Variants in KIF13B observed in about 807,000 individuals in gnomAD.
KIF13B encodes kinesin-like protein KIF13B.
KIF13B carries 127 observed loss-of-function variants against 222.0 expected under a neutral mutation model. That is an observed-to-expected ratio of 0.57 (90% CI 0.50 to 0.66). KIF13B has a LOEUF of 0.66. KIF13B is among the 30% of genes least tolerant of loss of function. KIF13B has a pLI of 0.00. For missense variants in KIF13B, 2,173 were observed against 2,379.0 expected, an observed-to-expected ratio of 0.91 and a Z score of 1.80; for synonymous variants, 976 against 919.0, an observed-to-expected ratio of 1.06 and a Z score of -1.12.
rs1448083758 is a variant in KIF13B at position 29,245,399 on chromosome 8, T to G, written c.96A>C (p.Ala32=). 7 of 1,603,484 alleles carry G rather than the reference T, an allele frequency of 4.4e-6. No individual in the cohort carries two copies. In the South Asian group the frequency reaches 7.9e-5, roughly 18 times the overall value. ...LHTKCVVDVD[A]NKVILNPVNT... is the part of the protein sequence containing the mutation. The stretch of plus-strand genomic sequence containing the variant: ...TTACAGGATTAAGAATAACCTTGTT[T>G]GCATCCACATCCACCACACATTTGG... Residue 32 remains alanine, a synonymous_variant, in exon 2 of 40, where the codon GCA becomes GCC. Transcript: ENST00000524189.
At position 29,071,751 on chromosome 8, in the gene KIF13B, T is replaced by G; in HGVS notation, c.5087A>C (p.Glu1696Ala). Residue 1696 changes from glutamate (E) to alanine (A), a missense_variant, in exon 39 of 40, where the codon GAG becomes GCG. Physicochemically the swap from Glu to Ala is moderately radical, Grantham distance 107. Transcript: ENST00000524189. This position sits in a 1 kb window ranked among gnomAD's most constrained non-coding sequence, Gnocchi z 4.9. The part of the protein sequence containing the change: ...ALASDSEEAD[E>A]VPEWLREGEF... ...GCCCTCTCGGAGCCACTCCGGGACC[T>G]CGTCAGCTTCCTCGGAATCAGAGGC... 3.2e-6 allele frequency: 5 copies of G among 1,549,672 alleles called. No homozygotes were observed. Among genetic ancestry groups the G allele is most frequent in the South Asian group, 1.2e-5 (1 of 84,052 alleles).
chr8:29,256,812 T>C (rs1448211341), intron 1 of KIF13B, among the ~76,000 whole-genome samples: 2 of 152,232 alleles, frequency 1.3e-5, no homozygotes, highest in African/African-American at 4.8e-5. Flanking sequence ...TAGAGTGCAG[T>C]GGTGCGATTT....
chr8:29,158,370 G>A (rs930335574), intron 13 of KIF13B, among the ~76,000 whole-genome samples: 13 of 152,142 alleles, frequency 8.5e-5, no homozygotes, highest in Non-Finnish European at 1.9e-4. Context: ...ATAAAGTTAA[G>A]CAGGGATAGC....
rs1807350755 is a variant in KIF13B, at chr8:29,072,591, A to G, written c.4522-275T>C. On this transcript the variant is annotated intron_variant, in intron 38 of 39. Coordinates refer to ENST00000524189, the MANE Select transcript of KIF13B (RefSeq NM_015254.4). ...GGTTCCCACACTGGTTCTGCCACTT[A>G]GGGCTGCATGGCCCTGGCTTCCAAA... Among the ~76,000 whole-genome samples, 3 of 152,190 alleles carry G rather than the reference A, an allele frequency of 2.0e-5. No homozygotes were observed. The South Asian group carries it at 6.2e-4, about 31-fold the overall frequency.
rs1807246190 is a variant in KIF13B, at chr8:29,071,033, AG to A, written c.5219-268del. Among the ~76,000 whole-genome samples the A allele has an allele frequency of 6.6e-6, 1 of 152,156 alleles. No homozygotes were observed. The highest frequency in any genetic ancestry group is 2.4e-5 in the African/African-American group (1 of 41,436). On this transcript the variant is annotated intron_variant, in intron 39 of 39. Transcript: ENST00000524189. The surrounding 1 kb of genome is among the most constrained non-coding windows in gnomAD (Gnocchi z 4.9). ...CCTGCAGCCTCAGGTAGGAGGTGACAGGCCCTGGGGGCCCTGGGGAGTGCCT... is the reference window on the plus strand; with the variant it reads ...CCTGCAGCCTCAGGTAGGAGGTGACAGCCCTGGGGGCCCTGGGGAGTGCCT...
At chr8:29,172,345 G>A (rs1812283424) in intron 10 of KIF13B, among the ~76,000 whole-genome samples, 1 of 151,738 alleles carries the variant, frequency 6.6e-6, no homozygotes, top group African/African-American at 2.4e-5. Flanking sequence ...GCCTCCCAGA[G>A]TGCAGGGATT....
intron 9 of KIF13B, among the ~76,000 whole-genome samples, 163 bp from the exon 10 acceptor site, chr8:29,176,342 T>C (rs781076412): frequency 2.0e-5 from 3 of 152,206 alleles, no homozygotes; most frequent in Non-Finnish European, 4.4e-5. Context: ...AAAATAGTTA[T>C]TTTCCCCCAA....
At chr8:29,209,311 T>C (rs1814101092) in intron 2 of KIF13B, among the ~76,000 whole-genome samples, 1 of 152,154 alleles carries the variant, frequency 6.6e-6, no homozygotes, top group Admixed American at 6.5e-5. Context: ...GCTCCCTACA[T>C]CTGTCTCTCC....
chr8:29,243,296 C>A (rs1323057675), intron 2 of KIF13B, among the ~76,000 whole-genome samples: 1 of 148,464 alleles, frequency 6.7e-6, no homozygotes, highest in Non-Finnish European at 1.5e-5. Context: ...TGCAGTGAGC[C>A]AAGATCGCCA....
At chr8:29,091,662 C>A (rs1222055964) in intron 37 of KIF13B, among the ~76,000 whole-genome samples, 1 of 152,164 alleles carries the variant, frequency 6.6e-6, no homozygotes, top group Non-Finnish European at 1.5e-5. Context: ...AATAATGACC[C>A]ACTGGTTCAG....
chr8:29,086,221 G>A (rs1808044601), intron 37 of KIF13B, among the ~76,000 whole-genome samples: 1 of 152,172 alleles, frequency 6.6e-6, no homozygotes, highest in Non-Finnish European at 1.5e-5. Context: ...CCAGGGTGGG[G>A]GCTGGGGTTT....
At chr8:29,092,683 C>A (rs949839904) in intron 37 of KIF13B, 62 bp downstream of exon 37, 5 of 1,500,596 alleles carry the variant, frequency 3.3e-6, no homozygotes, top group Non-Finnish European at 4.5e-6. Flanking sequence ...CCAGCTTTGG[C>A]GCAACACAGA....
chr8:29,146,401 A>AG lies in KIF13B; in HGVS notation c.2163dup (p.Ser722LeufsTer14). On this transcript the variant is annotated frameshift_variant, in exon 18 of 40. Coordinates refer to ENST00000524189, the MANE Select transcript of KIF13B (RefSeq NM_015254.4). LOFTEE classifies it high-confidence loss of function. ...ACCTTCCTGTTGGCATCCAGGCTGGAGGCTGGAATCTGTAGGGTAACTTTG... is the reference window on the plus strand; with the variant it reads ...ACCTTCCTGTTGGCATCCAGGCTGGAGGGCTGGAATCTGTAGGGTAACTTTG... 6.2e-7 allele frequency: 1 copy of AG among 1,613,888 alleles called. No individual in the cohort carries two copies. The highest frequency in any genetic ancestry group is 8.5e-7 in the Non-Finnish European group (1 of 1,179,862).
intron 2 of KIF13B, among the ~76,000 whole-genome samples, chr8:29,224,350 T>C (rs991021938): frequency 6.6e-6 from 1 of 152,168 alleles, no homozygotes; most frequent in African/African-American, 2.4e-5. Context: ...AAGTATTTAA[T>C]AAAAGAAGAG....
chr8:29,159,197 C>T (rs1020803214), intron 13 of KIF13B, among the ~76,000 whole-genome samples: 1 of 152,138 alleles, frequency 6.6e-6, no homozygotes, highest in African/African-American at 2.4e-5. Flanking sequence ...GTTGCCCAGG[C>T]TGGGATGCAG....
At chr8:29,113,751 C>T (rs1809465708) in intron 31 of KIF13B, among the ~76,000 whole-genome samples, 196 bp from the exon 32 acceptor site, 1 of 152,154 alleles carries the variant, frequency 6.6e-6, no homozygotes, top group African/African-American at 2.4e-5. Flanking sequence ...ATTAGATGCC[C>T]ACCATGTATG....
chr8:29,263,277 A>G (rs960130855), upstream of KIF13B, among the ~76,000 whole-genome samples: 26 of 152,350 alleles, frequency 1.7e-4, no homozygotes, highest in African/African-American at 5.3e-4. Context: ...GTCGTTTGCT[A>G]CAACTTACCT....
At chr8:29,197,199 T>TAGTGGCGGGCGC (rs1554617004) in intron 2 of KIF13B, among the ~76,000 whole-genome samples, 3 of 149,688 alleles carry the variant, frequency 2.0e-5, no homozygotes, top group Non-Finnish European at 4.5e-5. Flanking sequence ...TAGCCGGGCG[T>TAGTGGCGGGCGC]AGTGGCGGGC....
chr8:29,142,270 C>T lies in KIF13B; in HGVS notation c.2221G>A (p.Val741Met), dbSNP rs760781867. ...GSLLSEPAIQ[V>M]RRKGKGKQIW... ...TGCTTTCCTTTTCCTTTTCTTCTCA[C>T]CTGGATTGCAGGCTCACTAAGAAGA... Residue 741 changes from valine (V) to methionine (M), a missense_variant, in exon 19 of 40, where the codon GTG (valine) becomes ATG (methionine). This residue lies in a region of KIF13B where 1,480 missense variants were observed against 1,722.8 expected (regional missense o/e 0.86). Transcript: ENST00000524189. 5.0e-6 allele frequency: 8 copies of T among 1,613,464 alleles called. No individual in the cohort carries two copies. In the Admixed American group the frequency reaches 8.3e-5, roughly 17 times the overall value.
Sources: allele counts gnomAD v4.1 joint callset (sites outside exome capture counted in the v4.1 genomes callset), GRCh38; gene constraint gnomAD v4.1.1; regional missense constraint gnomAD v4.1.1; non-coding constraint Gnocchi (gnomAD v3.1); transcripts MANE v1.5; gene names NCBI Gene and HGNC (gene_info 2026-07-23, HGNC 2026-07-21).